Variants in ERBB3 observed in about 807,000 individuals in gnomAD.
ERBB3 encodes erb-b2 receptor tyrosine kinase 3, also known as receptor tyrosine-protein kinase erbB-3.
In ERBB3, 96 loss-of-function variants were observed where a neutral mutation model predicts 156.7. The observed-to-expected ratio is 0.61, with a 90% CI of 0.52 to 0.73. The LOEUF (loss-of-function observed/expected upper bound fraction) is 0.73, where lower values mean the gene tolerates loss of function less well. ERBB3 is among the 30% of genes least tolerant of loss of function. The probability of loss-of-function intolerance (pLI) is 0.00; values close to 1 mark genes in which losing one functional copy is unlikely to be tolerated. For synonymous variants in ERBB3, 567 were observed against 632.0 expected, an observed-to-expected ratio of 0.90 and a Z score of 1.54; for missense variants, 1,406 against 1,709.4, an observed-to-expected ratio of 0.82 and a Z score of 3.13.
rs1869176513 is a variant in ERBB3 at position 56,102,976 on chromosome 12, A to G, written c.*921A>G. ...ACACTGTCTCTACAGGGGAAAAAAA[A>G]AAAAGAAACTGAGCCTTAAAGAGAT... On this transcript the variant is annotated 3_prime_UTR_variant, in exon 28 of 28. Transcript: ENST00000267101. 1 of 231,020 alleles carries G rather than the reference A, an allele frequency of 4.3e-6. No individual in the cohort carries two copies. Among genetic ancestry groups the G allele is most frequent in the Non-Finnish European group, 8.6e-6 (1 of 116,532 alleles). The allele number at this position is 231,020 out of a possible 1,614,324, so 14.3% of individuals were successfully genotyped here.
chr12:56,091,412 T>TATA (rs1184233128), intron 9 of ERBB3, among the ~76,000 whole-genome samples: 7 of 99,792 alleles, frequency 7.0e-5, no homozygotes, highest in East Asian at 5.2e-4. Flanking sequence ...ATATATATAT[T>TATA]TTTTTTTTTT....
rs1869135101 is a variant in ERBB3, at chr12:56,102,141, C to T, written c.*86C>T. The T allele has an allele frequency of 8.3e-7, 1 of 1,198,810 alleles. No individual in the cohort carries two copies. The highest frequency in any genetic ancestry group is 1.7e-5 in the Admixed American group (1 of 59,232). 74.3% of individuals were successfully genotyped at this position (1,198,810 alleles called of 1,614,324 possible). ...CGTCTTCTCCCTATTCCCTCTCTCT[C>T]CCAGGTCCCAGCCCCTTTTCCCCAG... On this transcript the variant is annotated 3_prime_UTR_variant, in exon 28 of 28. Coordinates refer to ENST00000267101, the MANE Select transcript of ERBB3 (RefSeq NM_001982.4).
rs2136825900 is a variant in ERBB3 at position 56,099,938 on chromosome 12, T to C, written c.3038T>C (p.Leu1013Pro). The part of the protein sequence containing the change: ...VELEPELDLD[L>P]DLEAEEDNLA... Reference sequence around the variant, plus strand: ...CTGGAGCCAGAACTAGACCTAGACCTAGACTTGGAAGCAGAGGAGGACAAC... The same window carrying C: ...CTGGAGCCAGAACTAGACCTAGACCCAGACTTGGAAGCAGAGGAGGACAAC... Residue 1013 changes from leucine to proline, a missense_variant, in exon 25 of 28, where the codon CTA becomes CCA. Around this residue, in one of 3 missense-constraint regions of ERBB3, gnomAD observed 415 missense variants for 454.1 expected, o/e 0.91. Coordinates refer to ENST00000267101, the MANE Select transcript of ERBB3 (RefSeq NM_001982.4). 6.2e-7 allele frequency: 1 copy of C among 1,614,164 alleles called. No homozygotes were observed. The highest frequency in any genetic ancestry group is 8.5e-7 in the Non-Finnish European group (1 of 1,180,016).
In ERBB3 at chr12:56,085,111, C is replaced by T. The variant is rs2136788421; in HGVS notation, c.351C>T (p.Ile117=). The change falls in exon 3 of 28, where the codon ATC becomes ATT. Residue 117 remains isoleucine (I), a synonymous_variant. Coordinates refer to ENST00000267101, the MANE Select transcript of ERBB3 (RefSeq NM_001982.4). ...GTQVYDGKFA[I]FVMLNYNTNS... ...AGGTCTACGATGGGAAGTTTGCCAT[C>T]TTCGTCATGTTGAACTATAACACCA... The T allele has an allele frequency of 6.2e-7, 1 of 1,614,140 alleles. No individual in the cohort carries two copies. The highest frequency in any genetic ancestry group is 1.7e-5 in the Admixed American group (1 of 60,002).
chr12:56,090,554 G>T (rs1439059340), intron 9 of ERBB3, among the ~76,000 whole-genome samples: 1 of 152,072 alleles, frequency 6.6e-6, no homozygotes, highest in Admixed American at 6.5e-5. Flanking sequence ...TGAGGCAGGA[G>T]AATAGCTTGA....
At position 56,086,813 on chromosome 12, in the gene ERBB3, T is replaced by G. The variant is rs1249940265; in HGVS notation, c.547+157T>G. 7.4e-6 allele frequency: 6 copies of G among 814,340 alleles called. No homozygotes were observed. In the East Asian group the frequency reaches 1.0e-4, roughly 14 times the overall value. 50.4% of individuals were successfully genotyped at this position (814,340 alleles called of 1,614,324 possible). On this transcript the variant is annotated intron_variant, in intron 4 of 27. Transcript: ENST00000267101. ...AGCCCACCAGGGCAGACCATTCCAG[T>G]CTCCTGGAATCTAAACCACAGAGGA...
intron 9 of ERBB3, among the ~76,000 whole-genome samples, chr12:56,089,292 G>A (rs1381199524): frequency 6.6e-6 from 1 of 151,802 alleles, no homozygotes; most frequent in Non-Finnish European, 1.5e-5. Flanking sequence ...TAATTTTTTT[G>A]TATTTTTTTG....
intron 10 of ERBB3, 75 bp downstream of exon 10, chr12:56,092,895 G>GA: frequency 1.3e-6 from 2 of 1,556,286 alleles, no homozygotes; most frequent in African/African-American, 2.7e-5. Context: ...AACTACTTGA[G>GA]AAAATCACGT....
chr12:56,095,469 CT>C (rs751770744), intron 16 of ERBB3, 159 bp downstream of exon 16: 145 of 887,728 alleles, frequency 1.6e-4, no homozygotes, highest in Non-Finnish European at 2.5e-4. Context: ...GGCTTCTGGA[CT>C]TCCCTTCCTA....
Position 56,102,528 on chromosome 12 carries a change from A to G in ERBB3, c.*473A>G. 4.1e-6 allele frequency: 1 copy of G among 245,518 alleles called. No homozygotes were observed. Among genetic ancestry groups the G allele is most frequent in the Non-Finnish European group, 8.0e-6 (1 of 124,986 alleles). 15.2% of individuals were successfully genotyped at this position (245,518 alleles called of 1,614,324 possible). On this transcript the variant is annotated 3_prime_UTR_variant, in exon 28 of 28. Transcript: ENST00000267101. ...AAAGACAGAAGCTTAAAATCTGTGA[A>G]GAAAGAGGTTAGGAGTAGATATTGA... is the stretch of plus-strand genomic sequence containing the variant.
Position 56,095,686 on chromosome 12 carries a change from T to A in ERBB3, c.1935T>A (p.Ala645=). The A allele has an allele frequency of 6.2e-7, 1 of 1,614,184 alleles. No homozygotes were observed. The highest frequency in any genetic ancestry group is 2.2e-5 in the East Asian group (1 of 44,890). Residue 645 remains alanine, a synonymous_variant, in exon 17 of 28, where the codon GCT becomes GCA. Coordinates refer to ENST00000267101, the MANE Select transcript of ERBB3 (RefSeq NM_001982.4). ...ATAGCAAAACCCATCTGACAATGGC[T>A]TTGACAGTGATAGCAGGATTGGTAG... ...VLIGKTHLTM[A]LTVIAGLVVI...
chr12:56,100,406 C>A (rs781085318), intron 26 of ERBB3, 161 bp downstream of exon 26: 6 of 690,780 alleles, frequency 8.7e-6, no homozygotes, highest in Non-Finnish European at 1.6e-5. Context: ...CTTTGGGAGG[C>A]CAGAGAGAGT....
chr12:56,083,966 C>T, intron 2 of ERBB3, 64 bp downstream of exon 2: 1 of 1,503,858 alleles, frequency 6.6e-7, no homozygotes, highest in Non-Finnish European at 9.3e-7. Context: ...ACCCTCCTTC[C>T]TTCTTCAGGG....
At chr12:56,099,390 C>G (rs950566264) in intron 23 of ERBB3, among the ~76,000 whole-genome samples, 3 of 151,880 alleles carry the variant, frequency 2.0e-5, no homozygotes, top group Non-Finnish European at 4.4e-5. Flanking sequence ...CTCCACGTTC[C>G]AGGTTTAAGT....
Position 56,080,260 on chromosome 12 carries a change from G to C in ERBB3, c.-41G>C, listed in dbSNP as rs1868336619. On this transcript the variant is annotated 5_prime_UTR_variant, in exon 1 of 28. Coordinates refer to ENST00000267101, the MANE Select transcript of ERBB3 (RefSeq NM_001982.4). The stretch of plus-strand genomic sequence containing the variant: ...TCGATGTCCTAGCCTAGGGGCCCCC[G>C]GGCCGGACTTGGCTGGGCTCCCTTC... 6.6e-7 allele frequency: 1 copy of C among 1,517,320 alleles called. No homozygotes were observed. The highest frequency in any genetic ancestry group is 8.9e-7 in the Non-Finnish European group (1 of 1,117,578). 94.0% of individuals were successfully genotyped at this position (1,517,320 alleles called of 1,614,324 possible). A position where few individuals can be genotyped will look rare whatever the true frequency, so the allele number is the denominator to read the frequency against.
In ERBB3 at chr12:56,086,608, G is replaced by A. The variant is rs758421385; in HGVS notation, c.499G>A (p.Val167Met). ...GGACACAATTGACTGGAGGGACATC[G>A]TGAGGGACCGAGATGCTGAGATAGT... is the stretch of plus-strand genomic sequence containing the variant. ...HMDTIDWRDIVRDRDAEIVVK... is the reference protein window; with the variant it reads ...HMDTIDWRDIMRDRDAEIVVK... Residue 167 changes from valine to methionine, a missense_variant, in exon 4 of 28, where the codon GTG (valine) becomes ATG (methionine). Physicochemically the swap from Val to Met is conservative, Grantham distance 21 (BLOSUM62 1). Transcript: ENST00000267101. The A allele has an allele frequency of 4.3e-6, 7 of 1,614,134 alleles. No individual in the cohort carries two copies. Among genetic ancestry groups the A allele is most frequent in the Admixed American group, 1.7e-5 (1 of 60,016 alleles).
chr12:56,099,104 G>A (rs922765042), intron 23 of ERBB3, 199 bp downstream of exon 23: 15 of 600,034 alleles, frequency 2.5e-5, no homozygotes, highest in South Asian at 8.2e-5. Flanking sequence ...GATTACAGGC[G>A]CCCGCCACAC....
At chr12:56,096,924 C>A in intron 19 of ERBB3, 78 bp downstream of exon 19, 2 of 1,279,996 alleles carry the variant, frequency 1.6e-6, no homozygotes, top group Non-Finnish European at 2.3e-6. Flanking sequence ...GGGTCCTGTG[C>A]TTCTCAGCAG....
intron 4 of ERBB3, among the ~76,000 whole-genome samples, 194 bp from the exon 5 acceptor site, chr12:56,087,383 T>C (rs1265049651): frequency 3.3e-5 from 5 of 152,134 alleles, no homozygotes; most frequent in Admixed American, 3.3e-4. Flanking sequence ...GTGGGTGGTG[T>C]GGAGGCGTGG....
Sources: allele counts gnomAD v4.1 joint callset (sites outside exome capture counted in the v4.1 genomes callset), GRCh38; gene constraint gnomAD v4.1.1; regional missense constraint gnomAD v4.1.1; transcripts MANE v1.5; gene names NCBI Gene and HGNC (gene_info 2026-07-23, HGNC 2026-07-21).